Variants in PDE10A observed in about 807,000 individuals in gnomAD.
The protein encoded by PDE10A is phosphodiesterase 10A.
In PDE10A, 39 loss-of-function variants were observed where a neutral mutation model predicts 97.7. The observed-to-expected ratio is 0.40, with a 90% CI of 0.31 to 0.52. PDE10A has a LOEUF of 0.52. Among genes scored for constraint, PDE10A ranks in the 20% least tolerant of loss-of-function variants. PDE10A has a pLI of 0.56. For synonymous variants in PDE10A, 371 were observed against 376.8 expected, an observed-to-expected ratio of 0.98 and a Z score of 0.18; for missense variants, 731 against 1,047.8, an observed-to-expected ratio of 0.70 and a Z score of 4.17.
At chr6:165,568,234 C>T (rs1199238489) in intron 1 of PDE10A, among the ~76,000 whole-genome samples, 1 of 152,026 alleles carries the variant, frequency 6.6e-6, no homozygotes, top group Non-Finnish European at 1.5e-5. Context: ...CTGCTGACCT[C>T]ATGATCCGCC....
intron 1 of PDE10A, among the ~76,000 whole-genome samples, chr6:165,738,802 A>C (rs1173443811): frequency 6.6e-6 from 1 of 152,208 alleles, no homozygotes; most frequent in Non-Finnish European, 1.5e-5. Flanking sequence ...TTGGCTGCGT[A>C]AATGTCTTCT....
chr6:165,815,828 G>A (rs951024670), intron 1 of PDE10A, among the ~76,000 whole-genome samples: 1 of 152,102 alleles, frequency 6.6e-6, no homozygotes, highest in African/African-American at 2.4e-5. Context: ...TGCTGTATTT[G>A]GGAGACAGCT....
chr6:165,795,754 C>CA (rs1047015787), intron 1 of PDE10A, among the ~76,000 whole-genome samples: 12 of 150,750 alleles, frequency 8.0e-5, no homozygotes, highest in African/African-American at 2.2e-4. Context: ...AACTCCATCT[C>CA]AAAAAAAAAG....
intron 1 of PDE10A, among the ~76,000 whole-genome samples, chr6:165,566,933 T>C (rs1784805688): frequency 6.6e-6 from 1 of 152,214 alleles, no homozygotes; most frequent in East Asian, 1.9e-4. Context: ...GCATATTCTA[T>C]GACCCAGAAA....
intron 1 of PDE10A, among the ~76,000 whole-genome samples, chr6:165,958,496 GACA>G (rs1784213674): frequency 2.1e-5 from 2 of 94,160 alleles, no homozygotes; most frequent in African/African-American, 7.3e-5. Flanking sequence ...AAGAGAGAAA[GACA>G]AGAAAGAAAG....
chr6:165,561,001 C>T (rs532570466), intron 1 of PDE10A, among the ~76,000 whole-genome samples: 2 of 152,138 alleles, frequency 1.3e-5, no homozygotes, highest in Non-Finnish European at 2.9e-5. Flanking sequence ...GGGCGGATCA[C>T]GAGGTCAGGA....
chr6:165,618,842 A>G lies in PDE10A; in HGVS notation c.865+43105T>C, dbSNP rs1362446907. ...GCGATGAAATGTGTTGAGAGAGCGC[A>G]TTAAATGAATGTTACATAGGTACTA... On this transcript the variant is annotated intron_variant, in intron 1 of 21. Transcript: ENST00000539869. 2.0e-5 allele frequency among the ~76,000 whole-genome samples: 3 copies of G among 152,228 alleles called. No individual in the cohort carries two copies. The East Asian group carries it at 5.8e-4, about 29-fold the overall frequency.
intron 1 of PDE10A, among the ~76,000 whole-genome samples, chr6:165,913,035 A>G (rs367916312): frequency 1.3e-5 from 2 of 152,326 alleles, no homozygotes; most frequent in African/African-American, 4.8e-5. Flanking sequence ...GCTGCAAGTA[A>G]AGAATTCCAC....
chr6:165,475,276 T>C lies in PDE10A; in HGVS notation c.1023+7039A>G, dbSNP rs16897910. Among the ~76,000 whole-genome samples the C allele has an allele frequency of 4.2e-3, 637 of 152,284 alleles. 18 individuals are homozygous for C. Among genetic ancestry groups the C allele is most frequent in the East Asian group, 0.031 (163 of 5,182 alleles). ...TAGAATATATGGTCATAAGTATTAA[T>C]AGATAATTCAGAAATTTCTTAAATG... is the stretch of plus-strand genomic sequence containing the variant. On this transcript the variant is annotated intron_variant, in intron 3 of 21. Coordinates refer to ENST00000539869, the MANE Select transcript of PDE10A (RefSeq NM_001385079.1).
At chr6:165,500,470 T>A (rs1188184772) in intron 2 of PDE10A, among the ~76,000 whole-genome samples, 2 of 152,226 alleles carry the variant, frequency 1.3e-5, no homozygotes, top group African/African-American at 2.4e-5. Flanking sequence ...GATTTAGGGC[T>A]ATGCAGGATG....
At chr6:165,964,993 T>C (rs1310264335) in intron 1 of PDE10A, among the ~76,000 whole-genome samples, 1 of 152,074 alleles carries the variant, frequency 6.6e-6, no homozygotes, top group Non-Finnish European at 1.5e-5. Flanking sequence ...GAGCGGCAAA[T>C]GGCCAGGTGA....
Position 165,712,339 on chromosome 6 carries a change from C to T in PDE10A, c.-614-168771G>A, listed in dbSNP as rs571020356. Among the ~76,000 whole-genome samples the T allele has an allele frequency of 4.0e-4, 61 of 152,252 alleles. 1 individual carries two copies. The South Asian group carries it at 0.012, about 31-fold the overall frequency. On this transcript the variant is annotated intron_variant, in intron 1 of 19. Transcript: ENST00000366882. ...CATCAAATCTACAACACGTGATGTG[C>T]GGCTTGCTGCCTGCTCCCCTCCTGA... is the stretch of plus-strand genomic sequence containing the variant.
intron 1 of PDE10A, among the ~76,000 whole-genome samples, chr6:165,600,183 G>C (rs941422718): frequency 6.6e-6 from 1 of 152,294 alleles, no homozygotes; most frequent in Non-Finnish European, 1.5e-5. Flanking sequence ...CCTCCTCCGA[G>C]GATCCCACAA....
chr6:165,901,431 C>T (rs75441205), intron 1 of PDE10A, among the ~76,000 whole-genome samples: 14,347 of 152,238 alleles, frequency 0.094, 847 homozygotes, highest in African/African-American at 0.16. Flanking sequence ...AGCCCAGGTC[C>T]TCATCAGGGC....
At chr6:165,734,950 GTAGATAGA>G (rs60771144) in intron 1 of PDE10A, among the ~76,000 whole-genome samples, 20,167 of 150,628 alleles carry the variant, frequency 0.13, 1,570 homozygotes, top group East Asian at 0.35. Flanking sequence ...CAATAAGAAA[GTAGATAGA>G]TAGATAGATA....
intron 1 of PDE10A, among the ~76,000 whole-genome samples, chr6:165,805,490 G>C (rs1251479908): frequency 1.3e-5 from 2 of 152,160 alleles, no homozygotes; most frequent in African/African-American, 4.8e-5. Flanking sequence ...GCCGCGCCAC[G>C]GGCCAGATGT....
chr6:165,708,484 C>T (rs1791777620), intron 1 of PDE10A, among the ~76,000 whole-genome samples: 1 of 152,012 alleles, frequency 6.6e-6, no homozygotes, highest in Admixed American at 6.5e-5. Flanking sequence ...TCAGGGACTT[C>T]TGGACGGATA....
Position 165,394,060 on chromosome 6 carries a change from T to TTTA in PDE10A, c.2303+1118_2303+1120dup, listed in dbSNP as rs71026685. Among the ~76,000 whole-genome samples the TTTA allele has an allele frequency of 1.2e-3, 177 of 150,940 alleles. 2 individuals carry two copies. The highest frequency in any genetic ancestry group is 8.8e-3 in the South Asian group (42 of 4,770). On this transcript the variant is annotated intron_variant, in intron 15 of 21. Coordinates refer to ENST00000539869, the MANE Select transcript of PDE10A (RefSeq NM_001385079.1). ...AAATTTACACGTGGTGTTCTAAACA[T>TTTA]TTATTATTATTATTATTATTATTAT...
Position 165,714,362 on chromosome 6 carries a change from G to C in PDE10A, c.-614-170794C>G, listed in dbSNP as rs371791485. On this transcript the variant is annotated intron_variant, in intron 1 of 19. Transcript: ENST00000366882. The stretch of plus-strand genomic sequence containing the variant: ...CAGGTTTGCCGTTTGTGAACCTCCA[G>C]GCCGCCAGTCCTGTGAGTCTGATCA... 5.9e-5 allele frequency among the ~76,000 whole-genome samples: 9 copies of C among 152,368 alleles called. No homozygotes were observed. In the East Asian group the frequency reaches 1.5e-3, roughly 26 times the overall value.
Sources: allele counts gnomAD v4.1 joint callset (sites outside exome capture counted in the v4.1 genomes callset), GRCh38; gene constraint gnomAD v4.1.1; transcripts MANE v1.5; gene names NCBI Gene and HGNC (gene_info 2026-07-23, HGNC 2026-07-21).